LARGE1: variants seen among roughly 807,000 people sequenced by gnomAD.
LARGE1 encodes the protein xylosyl- and glucuronyltransferase LARGE1.
LARGE1 carries 43 observed loss-of-function variants against 87.6 expected under a neutral mutation model. The observed-to-expected ratio is 0.49, with a 90% CI of 0.38 to 0.63. The LOEUF (loss-of-function observed/expected upper bound fraction) is 0.63. LARGE1 is among the 30% of genes least tolerant of loss of function. The probability of loss-of-function intolerance (pLI) is 0.00; values close to 1 mark genes in which losing one functional copy is unlikely to be tolerated. For missense variants in LARGE1, 802 were observed against 1,000.2 expected (o/e 0.80, Z 2.67); for synonymous variants, 434 against 394.6 (o/e 1.10, Z -1.18).
chr22:33,479,966 A>C (rs764924095), intron 6 of LARGE1, among the ~76,000 whole-genome samples: 2 of 152,110 alleles, frequency 1.3e-5, no homozygotes, highest in Non-Finnish European at 2.9e-5. Flanking sequence ...GCTGGTCTCG[A>C]ACTCCTGACC....
intron 11 of LARGE1, among the ~76,000 whole-genome samples, chr22:33,211,046 A>G (rs4574198): frequency 6.6e-6 from 1 of 152,098 alleles, no homozygotes; most frequent in Non-Finnish European, 1.5e-5. Context: ...GCACGTGCTC[A>G]CTTTGTGTCT....
chr22:33,542,748 G>A (rs1195553335), intron 6 of LARGE1, among the ~76,000 whole-genome samples: 1 of 151,626 alleles, frequency 6.6e-6, no homozygotes, highest in African/African-American at 2.4e-5. Context: ...AAGAGACACT[G>A]GGCCCACCTA....
intron 6 of LARGE1, among the ~76,000 whole-genome samples, chr22:33,491,835 A>C (rs1048376173): frequency 1.3e-5 from 2 of 152,220 alleles, no homozygotes; most frequent in East Asian, 3.9e-4. Flanking sequence ...AAGACGAGGA[A>C]TTCAAGATGT....
chr22:33,653,462 T>G (rs1256394610), intron 2 of LARGE1, among the ~76,000 whole-genome samples: 1 of 152,148 alleles, frequency 6.6e-6, no homozygotes, highest in Admixed American at 6.5e-5. Context: ...TGGGCAGAAA[T>G]GCAGGAAGCT....
At chr22:33,294,573 C>T (rs1288151925) in intron 12 of LARGE1, among the ~76,000 whole-genome samples, 1 of 152,214 alleles carries the variant, frequency 6.6e-6, no homozygotes, top group East Asian at 1.9e-4. Context: ...ACCGGCCTCC[C>T]CGTACCTCCC....
chr22:33,753,371 C>T (rs866875248), intron 2 of LARGE1, among the ~76,000 whole-genome samples: 3 of 152,148 alleles, frequency 2.0e-5, no homozygotes, highest in African/African-American at 2.4e-5. Flanking sequence ...TGGAGGAAGG[C>T]GTCACAAGCC....
chr22:33,487,047 C>T (rs1285870675), intron 6 of LARGE1, among the ~76,000 whole-genome samples: 1 of 152,218 alleles, frequency 6.6e-6, no homozygotes, highest in Non-Finnish European at 1.5e-5. Flanking sequence ...TGACTGCAGC[C>T]TAAGTCTATT....
rs746154168 is a variant in LARGE1 at position 33,264,475 on chromosome 22, G to A, written c.1730+39754C>T. On this transcript the variant is annotated intron_variant, in intron 11 of 11. Coordinates refer to the LARGE1 transcript ENST00000608642. ...GGAGTTGGAGACCAGCCTGGCCAAC[G>A]TGGTGAAATTCCTGTCTCTACTAAA... is the stretch of plus-strand genomic sequence containing the variant. 9.9e-5 allele frequency among the ~76,000 whole-genome samples: 15 copies of A among 152,150 alleles called. No homozygotes were observed. The East Asian group carries it at 2.3e-3, about 24-fold the overall frequency.
exon 12 of LARGE1, chr22:33,166,714 T>G (rs1314416623): frequency 2.1e-6 from 1 of 470,506 alleles, no homozygotes; most frequent in African/African-American, 2.0e-5. Flanking sequence ...TTAGGGCTCA[T>G]GAAGAACAGT....
At chr22:33,757,948 T>TGGGTCAGGCA (rs1013743705) in intron 2 of LARGE1, among the ~76,000 whole-genome samples, 1 of 152,208 alleles carries the variant, frequency 6.6e-6, no homozygotes, top group African/African-American at 2.4e-5. Context: ...TCAGGATCTC[T>TGGGTCAGGCA]GGGTCAGGCA....
chr22:33,311,990 C>T (rs989305094), intron 11 of LARGE1, among the ~76,000 whole-genome samples: 2 of 152,082 alleles, frequency 1.3e-5, no homozygotes, highest in African/African-American at 4.8e-5. Context: ...CCGTCTAGTG[C>T]CTTTTTACCC....
rs566797350 is a variant in LARGE1 at position 33,546,524 on chromosome 22, C to T, written c.787+18324G>A. ...TAGTCCTTTATCTTTGACTGCCCTT[C>T]GGAATTCTCAGAACAGGACCTCCAT... On this transcript the variant is annotated intron_variant, in intron 6 of 14. Transcript: ENST00000397394. Among the ~76,000 whole-genome samples, 54 of 152,288 alleles carry T rather than the reference C, an allele frequency of 3.5e-4. No individual in the cohort carries two copies. The South Asian group carries it at 6.2e-3, about 18-fold the overall frequency.
chr22:33,084,758 A>G, the LARGE1 span, among the ~76,000 whole-genome samples: 3 of 152,224 alleles, frequency 2.0e-5, no homozygotes, highest in Non-Finnish European at 4.4e-5. Flanking sequence ...GATGAAATTA[A>G]TGTTCATAAT....
intron 10 of LARGE1, among the ~76,000 whole-genome samples, chr22:33,321,613 AG>A (rs1251988056): frequency 6.6e-6 from 1 of 152,198 alleles, no homozygotes; most frequent in Non-Finnish European, 1.5e-5. Context: ...AGAAGAATGA[AG>A]GGCTTCCAGT....
intron 10 of LARGE1, among the ~76,000 whole-genome samples, chr22:33,331,019 CT>C (rs1013428186): frequency 2.0e-4 from 30 of 152,318 alleles, no homozygotes; most frequent in African/African-American, 6.7e-4. Flanking sequence ...TCTGCTACGT[CT>C]TTTTACCAGA....
At chr22:33,648,593 C>T (rs189500669) in intron 3 of LARGE1, among the ~76,000 whole-genome samples, 2 of 152,096 alleles carry the variant, frequency 1.3e-5, no homozygotes, top group African/African-American at 4.8e-5. Context: ...ACAGAAGATC[C>T]CTAAATTAGG....
intron 6 of LARGE1, among the ~76,000 whole-genome samples, chr22:33,456,529 T>C (rs140108676): frequency 0.013 from 2,012 of 152,370 alleles, 18 homozygotes; most frequent in Non-Finnish European, 0.021. Context: ...AAAGTCCTTT[T>C]TGCTTTTTGT....
chr22:33,183,616 A>ACACACACACACACG (rs1234416934), intron 11 of LARGE1, among the ~76,000 whole-genome samples: 2 of 97,828 alleles, frequency 2.0e-5, no homozygotes, highest in African/African-American at 7.2e-5. Flanking sequence ...ACACACACAC[A>ACACACACACACACG]CACGCACACA....
chr22:33,778,879 G>C (rs140460758), intron 1 of LARGE1, among the ~76,000 whole-genome samples: 4,740 of 152,138 alleles, frequency 0.031, 225 homozygotes, highest in African/African-American at 0.11. Context: ...TCGAACTCTC[G>C]ACCTCAGGTG....
Sources: gnomAD v4.1 joint callset for allele counts (sites outside exome capture counted in the v4.1 genomes callset) on GRCh38, gnomAD v4.1.1 for gene constraint, MANE v1.5 for transcripts, NCBI Gene and HGNC (gene_info 2026-07-23, HGNC 2026-07-21) for gene names.